Variants in PRUNE2 observed in about 807,000 individuals in gnomAD.
PRUNE2 encodes the protein protein prune homolog 2.
PRUNE2 carries 164 observed loss-of-function variants against 252.0 expected under a neutral mutation model. The observed-to-expected ratio is 0.65, with a 90% CI of 0.57 to 0.74. The LOEUF is 0.74. Ranked by LOEUF, PRUNE2 falls within the 30% of genes least tolerant of loss-of-function variation. The pLI, the probability that PRUNE2 is intolerant of heterozygous loss-of-function variation, is 0.00. For missense variants in PRUNE2, 3,495 were observed against 3,711.0 expected, an observed-to-expected ratio of 0.94 and a Z score of 1.51; for synonymous variants, 1,292 against 1,350.2, an observed-to-expected ratio of 0.96 and a Z score of 0.94.
chr9:76,654,313 C>T (rs1217504014), intron 10 of PRUNE2, among the ~76,000 whole-genome samples: 1 of 152,190 alleles, frequency 6.6e-6, no homozygotes, highest in Non-Finnish European at 1.5e-5. Context: ...GAGAAATTGG[C>T]ACTGTTCCCC....
chr9:76,790,329 A>C (rs1210626280), intron 6 of PRUNE2, among the ~76,000 whole-genome samples: 1 of 152,232 alleles, frequency 6.6e-6, no homozygotes, highest in African/African-American at 2.4e-5. Context: ...ATTTAGTGAT[A>C]TGTCAATTAT....
chr9:76,713,236 G>T (rs111645437), intron 7 of PRUNE2, among the ~76,000 whole-genome samples: 37 of 152,236 alleles, frequency 2.4e-4, no homozygotes, highest in African/African-American at 8.7e-4. Context: ...AACCGGTCCT[G>T]GGACAGGGGC....
intron 6 of PRUNE2, chr9:76,782,779 C>T (rs979266179): frequency 6.6e-6 from 1 of 152,228 alleles, no homozygotes; most frequent in African/African-American, 2.4e-5. Context: ...ATCGACGGCA[C>T]TTTCTGAGTA....
At chr9:76,730,628 A>G (rs907711020) in intron 6 of PRUNE2, among the ~76,000 whole-genome samples, 3 of 152,220 alleles carry the variant, frequency 2.0e-5, no homozygotes, top group African/African-American at 7.2e-5. Flanking sequence ...AGGGCCGGGT[A>G]CGGTGGCTCA....
At position 76,644,809 on chromosome 9, in the gene PRUNE2, G is replaced by A. The variant is rs368680716; in HGVS notation, c.8658C>T (p.Val2886=). 1.2e-5 allele frequency: 20 copies of A among 1,613,690 alleles called. No individual in the cohort carries two copies. The African/African-American group carries it at 2.4e-4, about 19-fold the overall frequency. Residue 2886 remains valine, a synonymous_variant, in exon 12 of 19, where the codon GTC becomes GTT. Transcript: ENST00000376718. ...REDNRLWRTV[V]IGEQEQRIDM... is the part of the protein sequence containing the mutation. ...CAATGCGCTGCTCTTGTTCTCCAAT[G>A]ACCACTGTCCTCCAAAGCCGGTTGT...
intron 12 of PRUNE2, among the ~76,000 whole-genome samples, chr9:76,640,131 AGCTTTG>A (rs1841944535): frequency 6.6e-6 from 1 of 152,228 alleles, no homozygotes; most frequent in Admixed American, 6.5e-5. Context: ...ATTTTCTTCA[AGCTTTG>A]AGTAGGAGGA....
chr9:76,837,459 T>TAATAATAAC (rs1328165310), intron 4 of PRUNE2, among the ~76,000 whole-genome samples: 1 of 89,912 alleles, frequency 1.1e-5, no homozygotes, highest in Non-Finnish European at 2.2e-5. Context: ...ATAATAATAA[T>TAATAATAAC]AATAATAATA....
chr9:76,905,013 T>C (rs1468839767), intron 1 of PRUNE2, among the ~76,000 whole-genome samples: 1 of 152,256 alleles, frequency 6.6e-6, no homozygotes, highest in Non-Finnish European at 1.5e-5. Context: ...TCATAAATTA[T>C]GCATTTCTTT....
At chr9:76,679,765 T>C (rs183556796) in intron 9 of PRUNE2, among the ~76,000 whole-genome samples, 1 of 152,332 alleles carries the variant, frequency 6.6e-6, no homozygotes, top group African/African-American at 2.4e-5. Context: ...GACCATTTAA[T>C]GGGGAAATTA....
intron 1 of PRUNE2, among the ~76,000 whole-genome samples, chr9:76,894,623 C>T (rs2062700071): frequency 6.6e-6 from 1 of 151,584 alleles, no homozygotes; most frequent in Admixed American, 6.6e-5. Flanking sequence ...AATGCTTCTG[C>T]CTCCAGGATG....
chr9:76,706,645 C>T lies in PRUNE2; in HGVS notation c.5629G>A (p.Glu1877Lys). Reference sequence around the variant, plus strand: ...TTAGTATAGTGTGTTTCCACGGGCTCAATATCACCCTGAACTGGTACTCCC... The same window carrying T: ...TTAGTATAGTGTGTTTCCACGGGCTTAATATCACCCTGAACTGGTACTCCC... ...PWGVPVQGDI[E>K]PVETHYTNPF... The change falls in exon 8 of 19, where the codon GAG becomes AAG. Residue 1877 changes from glutamate (E) to lysine (K), a missense_variant. Glu to Lys is a moderately conservative substitution (Grantham distance 56). Transcript: ENST00000376718. 6.2e-7 allele frequency: 1 copy of T among 1,613,862 alleles called. No individual in the cohort carries two copies. The highest frequency in any genetic ancestry group is 8.5e-7 in the Non-Finnish European group (1 of 1,179,858).
At position 76,708,158 on chromosome 9, in the gene PRUNE2, T is replaced by G. The variant is rs1304550255; in HGVS notation, c.4116A>C (p.Glu1372Asp). 6.2e-7 allele frequency: 1 copy of G among 1,614,028 alleles called. No individual in the cohort carries two copies. The highest frequency in any genetic ancestry group is 1.7e-5 in the Admixed American group (1 of 60,032). Residue 1372 changes from glutamate (E) to aspartate (D), a missense_variant, in exon 8 of 19, where the codon GAA (glutamate) becomes GAC (aspartate). Physicochemically the swap from Glu to Asp is conservative, Grantham distance 45. Coordinates refer to ENST00000376718, the MANE Select transcript of PRUNE2 (RefSeq NM_015225.3). ...DQELSSLVASEHQEICIKSGK... is the reference protein window; with the variant it reads ...DQELSSLVASDHQEICIKSGK... ...CTGATTTAATGCAGATTTCCTGATG[T>G]TCAGATGCAACCAGAGAAGACAGTT...
intron 4 of PRUNE2, among the ~76,000 whole-genome samples, chr9:76,837,314 C>A (rs146837597): frequency 0.063 from 9,588 of 152,074 alleles, 366 homozygotes; most frequent in East Asian, 0.11. Context: ...TGGTGGCGGG[C>A]ACCTGCAGTC....
chr9:76,896,321 G>T (rs750309349), intron 1 of PRUNE2, among the ~76,000 whole-genome samples: 1 of 152,134 alleles, frequency 6.6e-6, no homozygotes, highest in African/African-American at 2.4e-5. Flanking sequence ...GTATCATCTC[G>T]CAAATAGCCT....
In PRUNE2 at chr9:76,837,444, TAATAATAA is replaced by T. The variant is rs1261966672; in HGVS notation, c.508+9063_508+9070del. ...CGACACAGTGAGACTCTGTCTCAAA[TAATAATAA>T]TAATAATAATAATAATAATAATAAT... On this transcript the variant is annotated intron_variant, in intron 4 of 18. Transcript: ENST00000376718. Among the ~76,000 whole-genome samples, 828 of 112,632 alleles carry T rather than the reference TAATAATAA, an allele frequency of 7.4e-3. 8 individuals carry two copies. The highest frequency in any genetic ancestry group is 0.028 in the African/African-American group (746 of 26,768). The allele number at this position is 112,632 out of a possible 152,430, so 73.9% of individuals were successfully genotyped here.
chr9:76,894,716 G>GAAA (rs1170899729), intron 1 of PRUNE2, among the ~76,000 whole-genome samples: 8 of 110,710 alleles, frequency 7.2e-5, no homozygotes, highest in African/African-American at 3.6e-4. Context: ...ATTTTCTGCA[G>GAAA]CAAAAAAAAA....
intron 9 of PRUNE2, among the ~76,000 whole-genome samples, chr9:76,695,760 T>A (rs1174989115): frequency 6.6e-6 from 1 of 152,154 alleles, no homozygotes; most frequent in African/African-American, 2.4e-5. Flanking sequence ...GTGTCTAACA[T>A]GTGGCAGGTG....
Position 76,854,164 on chromosome 9 carries a change from A to G in PRUNE2, c.81T>C (p.Pro27=). ...TGAGAGAATCCAAGTCACACGATTT[A>G]GGCCCAATAACCACATGGACCTTCT... The part of the protein sequence containing the change: ...RLEKVHVVIG[P]KSCDLDSLIS... Residue 27 remains proline (P), a synonymous_variant, in exon 2 of 19, where the codon CCT becomes CCC. Coordinates refer to ENST00000376718, the MANE Select transcript of PRUNE2 (RefSeq NM_015225.3). 6.2e-7 allele frequency: 1 copy of G among 1,606,288 alleles called. No homozygotes were observed. Among genetic ancestry groups the G allele is most frequent in the Non-Finnish European group, 8.5e-7 (1 of 1,174,846 alleles).
rs1589094664 is a variant in PRUNE2 at position 76,765,542 on chromosome 9, T to C, written c.757-51821A>G. 2.0e-5 allele frequency among the ~76,000 whole-genome samples: 3 copies of C among 152,318 alleles called. No homozygotes were observed. The East Asian group carries it at 5.8e-4, about 29-fold the overall frequency. On this transcript the variant is annotated intron_variant, in intron 6 of 18. Coordinates refer to ENST00000376718, the MANE Select transcript of PRUNE2 (RefSeq NM_015225.3). ...AATTGCATTCTAGCAATTAGCACAC[T>C]GTCTGATGGGGAGGTGGCTCAATCT...
Sources: allele counts gnomAD v4.1 joint callset (sites outside exome capture counted in the v4.1 genomes callset), GRCh38; gene constraint gnomAD v4.1.1; transcripts MANE v1.5; gene names NCBI Gene and HGNC (gene_info 2026-07-23, HGNC 2026-07-21).